VPS13A: variants seen among roughly 807,000 people sequenced by gnomAD.
VPS13A encodes the protein vacuolar protein sorting 13 homolog A, also known as intermembrane lipid transfer protein VPS13A.
A neutral mutation model predicts 390.9 loss-of-function variants in VPS13A; 264 were observed. The observed-to-expected ratio is 0.68, with a 90% CI of 0.61 to 0.75. The LOEUF (loss-of-function observed/expected upper bound fraction) is 0.75. VPS13A is among the 30% of genes least tolerant of loss of function. VPS13A has a pLI of 0.00. For missense variants in VPS13A, 3,409 were observed against 3,733.9 expected, an observed-to-expected ratio of 0.91 and a Z score of 2.27; for synonymous variants, 1,231 against 1,227.1, an observed-to-expected ratio of 1.00 and a Z score of -0.07.
At chr9:77,278,322 C>T (rs371759612) in intron 26 of VPS13A, among the ~76,000 whole-genome samples, 1 of 151,470 alleles carries the variant, frequency 6.6e-6, no homozygotes, top group African/African-American at 2.4e-5. Context: ...ATCCGCCCGC[C>T]TTGGCCTCCC....
intron 7 of VPS13A, among the ~76,000 whole-genome samples, chr9:77,211,956 T>C (rs1825996997): frequency 6.6e-6 from 1 of 152,102 alleles, no homozygotes. Flanking sequence ...CGAACCTTAT[T>C]GTGAACTGCG....
chr9:77,212,238 G>A (rs942249238), intron 7 of VPS13A, among the ~76,000 whole-genome samples: 3 of 151,766 alleles, frequency 2.0e-5, no homozygotes, highest in Admixed American at 2.0e-4. Context: ...TTTTTAAACC[G>A]ACCCCAGGCA....
At chr9:77,191,296 T>TTC (rs1261027539) in intron 1 of VPS13A, among the ~76,000 whole-genome samples, 8 of 109,016 alleles carry the variant, frequency 7.3e-5, no homozygotes, top group Non-Finnish European at 1.4e-4. Context: ...TTTCTTCTTC[T>TTC]TTTTTTTTTT....
At chr9:77,392,688 T>C (rs903496157) in intron 68 of VPS13A, among the ~76,000 whole-genome samples, 7 of 151,586 alleles carry the variant, frequency 4.6e-5, no homozygotes, top group African/African-American at 1.5e-4. Context: ...ATGTAGACTA[T>C]TATGTACAAT....
chr9:77,266,775 G>A (rs1240701189), intron 23 of VPS13A, among the ~76,000 whole-genome samples: 1 of 151,886 alleles, frequency 6.6e-6, no homozygotes, highest in Non-Finnish European at 1.5e-5. Flanking sequence ...TGGTTCTATT[G>A]TCCCCGTCAC....
At chr9:77,392,229 A>T (rs745355342) in intron 68 of VPS13A, among the ~76,000 whole-genome samples, 1 of 152,186 alleles carries the variant, frequency 6.6e-6, no homozygotes, top group African/African-American at 2.4e-5. Flanking sequence ...AAGAGACATG[A>T]TAACAGTTTG....
rs369399015 is a variant in VPS13A, at chr9:77,248,561, A to G, written c.2037+1166A>G. On this transcript the variant is annotated intron_variant, in intron 20 of 71. Transcript: ENST00000360280. The stretch of plus-strand genomic sequence containing the variant: ...ACTTTTTTCTTTCCAAATTTTCAGT[A>G]GAGAATACATTTTTTTGGCGGTATT... 2.0e-5 allele frequency among the ~76,000 whole-genome samples: 3 copies of G among 151,818 alleles called. No homozygotes were observed. In the East Asian group the frequency reaches 5.8e-4, roughly 29 times the overall value.
rs895629937 is a variant in VPS13A, at chr9:77,399,632, A to T, written c.9190-3604A>T. Among the ~76,000 whole-genome samples, 3 of 152,222 alleles carry T rather than the reference A, an allele frequency of 2.0e-5. No individual in the cohort carries two copies. In the East Asian group the frequency reaches 5.8e-4, roughly 29 times the overall value. On this transcript the variant is annotated intron_variant, in intron 68 of 71. Coordinates refer to ENST00000360280, the MANE Select transcript of VPS13A (RefSeq NM_033305.3). Reference sequence around the variant, plus strand: ...GTATTCTTCATTTTTAAACTTCGCCATATGGAACAAAAGAAAATGAATCTT... The same window carrying T: ...GTATTCTTCATTTTTAAACTTCGCCTTATGGAACAAAAGAAAATGAATCTT...
In VPS13A at chr9:77,238,156, A is replaced by C; in HGVS notation, c.1750A>C (p.Ile584Leu). ...TGAAACTGTTTCTCAGAGGTGTATC[A>C]TAGAAGCTGAACCTTTAGAAATCAT... ...LDETVSQRCI[I>L]EAEPLEIIYD... is the part of the protein sequence containing the mutation. Residue 584 changes from isoleucine to leucine, a missense_variant, in exon 18 of 72, where the codon ATA becomes CTA. By Grantham distance (5) the Ile-to-Leu change is conservative. Transcript: ENST00000360280. The C allele has an allele frequency of 1.2e-6, 2 of 1,613,786 alleles. No individual in the cohort carries two copies. Among genetic ancestry groups the C allele is most frequent in the Admixed American group, 1.7e-5 (1 of 60,016 alleles).
chr9:77,245,074 A>G (rs1824730550), intron 19 of VPS13A, among the ~76,000 whole-genome samples: 1 of 152,176 alleles, frequency 6.6e-6, no homozygotes, highest in Non-Finnish European at 1.5e-5. Context: ...TGATTATGCA[A>G]ATATGAAAGT....
intron 68 of VPS13A, chr9:77,382,588 CT>C (rs1833500595): frequency 1.8e-6 from 2 of 1,096,322 alleles, no homozygotes; most frequent in African/African-American, 3.3e-5. Flanking sequence ...CCACTGGTAG[CT>C]TTTATACCAG....
chr9:77,222,848 G>A (rs965724614), intron 13 of VPS13A, among the ~76,000 whole-genome samples: 4 of 152,090 alleles, frequency 2.6e-5, no homozygotes, highest in African/African-American at 4.8e-5. Flanking sequence ...TTCTTTGTAC[G>A]CCATAAACTA....
At chr9:77,257,223 GTC>G (rs1413288882) in intron 22 of VPS13A, among the ~76,000 whole-genome samples, 2 of 151,902 alleles carry the variant, frequency 1.3e-5, no homozygotes, top group Admixed American at 6.6e-5. Context: ...AGTTATAACA[GTC>G]TATTTATTTA....
At chr9:77,222,789 G>C (rs1330004018) in intron 13 of VPS13A, among the ~76,000 whole-genome samples, 1 of 152,134 alleles carries the variant, frequency 6.6e-6, no homozygotes, top group Non-Finnish European at 1.5e-5. Context: ...GTTAAATTAA[G>C]TTTAGACTAA....
Position 77,337,463 on chromosome 9 carries a change from C to G in VPS13A, c.6304C>G (p.Pro2102Ala). ...GTATTCAGAAGATGGTTGGGATTTACCATACATAATGCATTTGTGGCCACC... is the reference window on the plus strand; with the variant it reads ...GTATTCAGAAGATGGTTGGGATTTAGCATACATAATGCATTTGTGGCCACC... ...SVYSEDGWDLPYIMHLWPPIL... is the reference protein window; with the variant it reads ...SVYSEDGWDLAYIMHLWPPIL... Residue 2102 changes from proline (P) to alanine (A), a missense_variant, in exon 47 of 72, where the codon CCA becomes GCA. Physicochemically the swap from Pro to Ala is conservative, Grantham distance 27. This residue lies in a region of VPS13A where 2,717 missense variants were observed against 2,917.4 expected (regional missense o/e 0.93). Transcript: ENST00000360280. The G allele has an allele frequency of 6.2e-7, 1 of 1,613,632 alleles. No homozygotes were observed. Among genetic ancestry groups the G allele is most frequent in the Non-Finnish European group, 8.5e-7 (1 of 1,179,756 alleles).
At chr9:77,189,143 T>G (rs1824522896) in intron 1 of VPS13A, among the ~76,000 whole-genome samples, 1 of 151,588 alleles carries the variant, frequency 6.6e-6, no homozygotes, top group African/African-American at 2.4e-5. Flanking sequence ...TTTTTTTTTT[T>G]TTTTTTTGTA....
intron 5 of VPS13A, among the ~76,000 whole-genome samples, chr9:77,207,647 C>T (rs1186149271): frequency 6.6e-6 from 1 of 152,058 alleles, no homozygotes; most frequent in Non-Finnish European, 1.5e-5. Flanking sequence ...GCCATTTTCT[C>T]TAAAATAAAC....
chr9:77,366,074 T>C lies in VPS13A; in HGVS notation c.8325+501T>C, dbSNP rs552574165. 2.6e-5 allele frequency among the ~76,000 whole-genome samples: 4 copies of C among 152,198 alleles called. No homozygotes were observed. In the South Asian group the frequency reaches 8.3e-4, roughly 32 times the overall value. On this transcript the variant is annotated intron_variant, in intron 60 of 71. Coordinates refer to ENST00000360280, the MANE Select transcript of VPS13A (RefSeq NM_033305.3). ...TAACTTCTGAAATAATTGAAACATA[T>C]ACTTTTGGAGATACAAATACCTTTC...
In VPS13A at chr9:77,370,927, C is replaced by A; in HGVS notation, c.8945C>A (p.Pro2982Gln). The change falls in exon 66 of 72, where the codon CCA becomes CAA. Residue 2982 changes from proline (P) to glutamine (Q), a missense_variant. Transcript: ENST00000360280. Reference sequence around the variant, plus strand: ...GGCATAACAGGAATTGTTACAAAACCAATCAAAGGCAAGTATAGTAGTTCC... The same window carrying A: ...GGCATAACAGGAATTGTTACAAAACAAATCAAAGGCAAGTATAGTAGTTCC... ...VSGITGIVTK[P>Q]IKGAQKGGAA... is the part of the protein sequence containing the mutation. 6.2e-7 allele frequency: 1 copy of A among 1,613,860 alleles called. No homozygotes were observed. Among genetic ancestry groups the A allele is most frequent in the Non-Finnish European group, 8.5e-7 (1 of 1,179,978 alleles).
Sources: gnomAD v4.1 joint callset for allele counts (sites outside exome capture counted in the v4.1 genomes callset) on GRCh38, gnomAD v4.1.1 for gene constraint, gnomAD v4.1.1 regional missense constraint, MANE v1.5 for transcripts, NCBI Gene and HGNC (gene_info 2026-07-23, HGNC 2026-07-21) for gene names.